The following BZW2 variants were observed in gnomAD, a reference collection of about 807,000 sequenced individuals.
BZW2 encodes basic leucine zipper and W2 domains 2.
In BZW2, 23 loss-of-function variants were observed where a neutral mutation model predicts 53.2. That is an observed-to-expected ratio of 0.43 (90% CI 0.31 to 0.61). BZW2 has a LOEUF of 0.61. Among genes scored for constraint, BZW2 ranks in the 20% least tolerant of loss-of-function variants. BZW2 has a pLI of 0.09. For synonymous variants in BZW2, 227 were observed against 186.4 expected, an observed-to-expected ratio of 1.22 and a Z score of -1.77; for missense variants, 409 against 503.1, an observed-to-expected ratio of 0.81 and a Z score of 1.79.
intron 2 of BZW2, among the ~76,000 whole-genome samples, chr7:16,673,393 G>C (rs1361465008): frequency 6.6e-6 from 1 of 152,142 alleles, no homozygotes; most frequent in African/African-American, 2.4e-5. Flanking sequence ...TTACAGTGGA[G>C]TTTTCTAGAG....
intron 9 of BZW2, 53 bp from the exon 10 acceptor site, chr7:16,697,995 G>A (rs116196420): frequency 4.2e-5 from 68 of 1,603,728 alleles, no homozygotes; most frequent in Non-Finnish European, 5.6e-5. Flanking sequence ...CAGCAGTGTC[G>A]GCTCTGTACC....
At chr7:16,655,857 C>T (rs1782107830) in intron 1 of BZW2, among the ~76,000 whole-genome samples, 1 of 152,066 alleles carries the variant, frequency 6.6e-6, no homozygotes, top group East Asian at 1.9e-4. Flanking sequence ...GCCATTGCTC[C>T]AGGGTTCTAT....
intron 1 of BZW2, among the ~76,000 whole-genome samples, chr7:16,648,633 G>A (rs905523911): frequency 2.0e-5 from 3 of 152,134 alleles, no homozygotes; most frequent in Non-Finnish European, 4.4e-5. Context: ...AGAATAGAGG[G>A]CTGGGTCTGG....
At chr7:16,649,246 C>T (rs1157523607) in intron 1 of BZW2, among the ~76,000 whole-genome samples, 1 of 152,174 alleles carries the variant, frequency 6.6e-6, no homozygotes, top group Non-Finnish European at 1.5e-5. Context: ...ATCTTTGTTT[C>T]TCAGGTTTAA....
Position 16,706,223 on chromosome 7 carries a change from A to AG in BZW2, c.*138dup, listed in dbSNP as rs1783853434. The AG allele has an allele frequency of 1.1e-6, 1 of 943,338 alleles. No individual in the cohort carries two copies. The highest frequency in any genetic ancestry group is 1.6e-6 in the Non-Finnish European group (1 of 623,076). The allele number at this position is 943,338 out of a possible 1,614,324, so 58.4% of individuals were successfully genotyped here. A position where few individuals can be genotyped will look rare whatever the true frequency, so the allele number is the denominator to read the frequency against. On this transcript the variant is annotated 3_prime_UTR_variant, in exon 12 of 12. Transcript: ENST00000258761. ...AATAGGATAGGCTTCCCTTGTGCAGAGGGAGAAATGGTTTTGTTTTTGTTT... is the reference window on the plus strand; with the variant it reads ...AATAGGATAGGCTTCCCTTGTGCAGAGGGGAGAAATGGTTTTGTTTTTGTTT...
chr7:16,702,525 A>G (rs528629352), intron 10 of BZW2, among the ~76,000 whole-genome samples: 8 of 152,292 alleles, frequency 5.3e-5, no homozygotes, highest in African/African-American at 1.9e-4. Context: ...TTTGCAATAA[A>G]CAATGCATTT....
At chr7:16,678,812 T>C (rs1782847152) in intron 3 of BZW2, among the ~76,000 whole-genome samples, 1 of 151,720 alleles carries the variant, frequency 6.6e-6, no homozygotes, top group South Asian at 2.1e-4. Flanking sequence ...ATTTTACAGC[T>C]GGGTCTCGGG....
chr7:16,659,619 A>G (rs1249929960), intron 1 of BZW2, among the ~76,000 whole-genome samples: 1 of 152,102 alleles, frequency 6.6e-6, no homozygotes, highest in Middle Eastern at 3.2e-3. Context: ...AATGTTGTAT[A>G]GTTATGGGTA....
intron 6 of BZW2, chr7:16,688,639 T>C (rs1583740419): frequency 1.3e-5 from 2 of 152,234 alleles, no homozygotes; most frequent in East Asian, 3.8e-4. Context: ...CATTAGCTCA[T>C]AACAATAGTA....
At chr7:16,662,301 C>G (rs1223782361) in intron 1 of BZW2, 1 of 152,098 alleles carries the variant, frequency 6.6e-6, no homozygotes, top group Non-Finnish European at 1.5e-5. Flanking sequence ...ATACCAAAGT[C>G]TTTGCATACA....
chr7:16,691,252 A>G (rs1240036326), intron 7 of BZW2, among the ~76,000 whole-genome samples: 1 of 152,194 alleles, frequency 6.6e-6, no homozygotes, highest in South Asian at 2.1e-4. Context: ...GAGCCAGTAG[A>G]GAACAGGATA....
At chr7:16,646,781 T>C (rs1284532931) in intron 1 of BZW2, among the ~76,000 whole-genome samples, 1 of 152,170 alleles carries the variant, frequency 6.6e-6, no homozygotes, top group Non-Finnish European at 1.5e-5. Flanking sequence ...CTGTGGAAGC[T>C]GTAGAAGAAA....
chr7:16,671,836 C>T (rs1378954267), intron 2 of BZW2, among the ~76,000 whole-genome samples: 2 of 148,702 alleles, frequency 1.3e-5, no homozygotes, highest in African/African-American at 2.5e-5. Context: ...GAAGCTGAAG[C>T]AGGAAAATCA....
At chr7:16,666,389 TTTTA>T (rs79317366) in intron 2 of BZW2, among the ~76,000 whole-genome samples, 22 of 146,010 alleles carry the variant, frequency 1.5e-4, no homozygotes, top group East Asian at 1.0e-3. Flanking sequence ...TATAAAAGAC[TTTTA>T]TTTATTTATT....
intron 7 of BZW2, among the ~76,000 whole-genome samples, chr7:16,692,701 C>T (rs1331795947): frequency 1.3e-5 from 2 of 152,060 alleles, no homozygotes; most frequent in Non-Finnish European, 2.9e-5. Context: ...GAGGTGGAGG[C>T]TGCAGTGAGC....
rs1287106640 is a variant in BZW2, at chr7:16,694,832, A to T, written c.652-2A>T. On this transcript the variant is annotated splice_acceptor_variant, in intron 7 of 11. Coordinates refer to ENST00000258761, the MANE Select transcript of BZW2 (RefSeq NM_014038.3). LOFTEE classifies it high-confidence loss of function. ...TATAGCAGTCTTTTTTCCCTTTTTC[A>T]GGAACTCTTTCCAGTTAACAGACAG... 1 of 1,502,558 alleles carries T rather than the reference A, an allele frequency of 6.7e-7. No homozygotes were observed. The allele number at this position is 1,502,558 out of a possible 1,614,324, so 93.1% of individuals were successfully genotyped here. A position where few individuals can be genotyped will look rare whatever the true frequency, so the allele number is the denominator to read the frequency against.
chr7:16,695,541 A>G (rs900594074), intron 8 of BZW2, among the ~76,000 whole-genome samples: 2 of 152,222 alleles, frequency 1.3e-5, no homozygotes, highest in Non-Finnish European at 1.5e-5. Flanking sequence ...CCTATAATGT[A>G]AAAGCTATAT....
At chr7:16,669,186 C>T (rs368726647) in intron 2 of BZW2, among the ~76,000 whole-genome samples, 65 of 152,272 alleles carry the variant, frequency 4.3e-4, no homozygotes, top group African/African-American at 1.4e-3. Flanking sequence ...AGTTCAGTGG[C>T]GCAATCTCAG....
intron 1 of BZW2, among the ~76,000 whole-genome samples, chr7:16,662,464 C>A (rs1393270127): frequency 5.9e-5 from 9 of 152,038 alleles, no homozygotes; most frequent in Admixed American, 2.0e-4. Flanking sequence ...TAGAGTAATT[C>A]TTTCATATGC....
Sources: gnomAD v4.1 joint callset for allele counts (sites outside exome capture counted in the v4.1 genomes callset) on GRCh38, gnomAD v4.1.1 for gene constraint, MANE v1.5 for transcripts, NCBI Gene and HGNC (gene_info 2026-07-23, HGNC 2026-07-21) for gene names.